Variants in MMP25 observed in about 807,000 individuals in gnomAD.
MMP25 encodes matrix metalloproteinase-25.
A neutral mutation model predicts 62.1 loss-of-function variants in MMP25; 68 were observed. The ratio of observed to expected loss-of-function variants is 1.10; its 90% CI spans 0.90 to 1.34. MMP25 has a LOEUF of 1.34. MMP25 is among the 40% of genes most tolerant of loss of function. The pLI, the probability that MMP25 is intolerant of heterozygous loss-of-function variation, is 0.00. For missense variants in MMP25, 942 were observed against 792.5 expected (o/e 1.19, Z -2.26); for synonymous variants, 407 against 345.6 (o/e 1.18, Z -1.97).
intron 9 of MMP25, 62 bp downstream of exon 9, chr16:3,058,731 T>TGG (rs1171403262): frequency 6.7e-7 from 1 of 1,489,204 alleles, no homozygotes; most frequent in African/African-American, 1.4e-5. Flanking sequence ...ATGTGGGGAA[T>TGG]GGGGACATGG....
At chr16:3,057,856 G>A (rs964647987) in intron 7 of MMP25, 44 of 588,314 alleles carry the variant, frequency 7.5e-5, no homozygotes, top group Admixed American at 1.9e-4. Context: ...ATGCCACCAC[G>A]CCTTGCTAGT....
intron 2 of MMP25, among the ~76,000 whole-genome samples, chr16:3,047,982 G>T (rs2151152009): frequency 1.3e-5 from 2 of 152,136 alleles, no homozygotes; most frequent in Middle Eastern, 3.4e-3. Flanking sequence ...TGGGATTACA[G>T]GCACGCACCA....
chr16:3,050,042 G>A lies in MMP25; in HGVS notation c.266G>A (p.Arg89His), dbSNP rs747779520. The stretch of plus-strand genomic sequence containing the variant: ...ACAGTGGCCACCATGCGTAAGCCCC[G>A]CTGCTCCCTGCCTGACGTGCTGGGG... ...PGTVATMRKP[R>H]CSLPDVLGVA... Residue 89 changes from arginine to histidine, a missense_variant, in exon 3 of 10, where the codon CGC becomes CAC. By Grantham distance (29) the Arg-to-His change is conservative (BLOSUM62 0). Coordinates refer to ENST00000336577, the MANE Select transcript of MMP25 (RefSeq NM_022468.5). 42 of 1,610,508 alleles carry A rather than the reference G, an allele frequency of 2.6e-5. No individual in the cohort carries two copies. Among genetic ancestry groups the A allele is most frequent in the Non-Finnish European group, 3.4e-5 (40 of 1,179,942 alleles).
At position 3,046,680 on chromosome 16, in the gene MMP25, G is replaced by T. The variant is rs1465617031; in HGVS notation, c.-238G>T. On this transcript the variant is annotated 5_prime_UTR_variant, in exon 1 of 10. Transcript: ENST00000336577. ...CTCCCGCGCCCTCTCAACCATCCTG[G>T]GATTCCCGGGCCCACCCGACCCAGC... The T allele has an allele frequency of 1.1e-5, 4 of 378,400 alleles. No individual in the cohort carries two copies. The East Asian group carries it at 1.2e-4, about 11-fold the overall frequency. The allele number at this position is 378,400 out of a possible 1,614,324, so 23.4% of individuals were successfully genotyped here. A position where few individuals can be genotyped will look rare whatever the true frequency, so the allele number is the denominator to read the frequency against.
chr16:3,056,927 G>A (rs1956019195), intron 4 of MMP25, 106 bp from the exon 5 acceptor site: 3 of 1,254,078 alleles, frequency 2.4e-6, no homozygotes, highest in Non-Finnish European at 3.3e-6. Flanking sequence ...CACCTCTGGA[G>A]GGTGTCCTGC....
intron 1 of MMP25, 122 bp from the exon 2 acceptor site, chr16:3,047,293 T>C (rs1427804206): frequency 4.2e-6 from 6 of 1,425,926 alleles, no homozygotes; most frequent in Non-Finnish European, 3.8e-6. Flanking sequence ...CAGGCAGGCA[T>C]CCGGGGCTGG....
At chr16:3,053,765 G>A (rs956877213) in intron 4 of MMP25, 1 of 152,034 alleles carries the variant, frequency 6.6e-6, no homozygotes, top group Non-Finnish European at 1.5e-5. Flanking sequence ...GAGTGAAGGA[G>A]GAAGTGGTCA....
At chr16:3,048,517 G>T (rs1157858191) in intron 2 of MMP25, among the ~76,000 whole-genome samples, 1 of 152,130 alleles carries the variant, frequency 6.6e-6, no homozygotes, top group Non-Finnish European at 1.5e-5. Flanking sequence ...GGCATTGAGG[G>T]GCTGGTCTGG....
rs200987353 is a variant in MMP25, at chr16:3,047,560, C to A, written c.232+13C>A. The A allele has an allele frequency of 6.2e-7, 1 of 1,610,220 alleles. No individual in the cohort carries two copies. Among genetic ancestry groups the A allele is most frequent in the East Asian group, 2.2e-5 (1 of 44,860 alleles). On this transcript the variant is annotated intron_variant, in intron 2 of 9. Transcript: ENST00000336577. ...ACCGGCCGCATGGGTAGGTGGCCCC[C>A]ACCCCTCCCCAGCCCTGCCTCTGCA...
At chr16:3,049,201 G>C (rs1204025492) in intron 2 of MMP25, among the ~76,000 whole-genome samples, 3 of 151,804 alleles carry the variant, frequency 2.0e-5, no homozygotes, top group African/African-American at 7.3e-5. Context: ...GAGTCCACAC[G>C]AGGGATGGTG....
At position 3,047,550 on chromosome 16, in the gene MMP25, A is replaced by T; in HGVS notation, c.232+3A>T. On this transcript the variant is annotated splice_donor_region_variant and intron_variant, in intron 2 of 9. Transcript: ENST00000336577. ...GCTGCCGGAGACCGGCCGCATGGGT[A>T]GGTGGCCCCCACCCCTCCCCAGCCC... 1 of 1,612,272 alleles carries T rather than the reference A, an allele frequency of 6.2e-7. No homozygotes were observed. The highest frequency in any genetic ancestry group is 2.2e-5 in the East Asian group (1 of 44,856).
rs747395216 is a variant in MMP25, at chr16:3,058,191, C to G, written c.1017C>G (p.Phe339Leu). Residue 339 changes from phenylalanine to leucine, a missense_variant, in exon 8 of 10, where the codon TTC becomes TTG. Coordinates refer to ENST00000336577, the MANE Select transcript of MMP25 (RefSeq NM_022468.5). ...GETFFFKGPWFWRLQPSGQLV... is the reference protein window; with the variant it reads ...GETFFFKGPWLWRLQPSGQLV... ...CTTTGTCCCCTGCAGGCCCCTGGTT[C>G]TGGCGCCTCCAGCCCTCCGGACAGC... The G allele has an allele frequency of 8.7e-6, 14 of 1,612,842 alleles. No individual in the cohort carries two copies. The African/African-American group carries it at 1.2e-4, about 14-fold the overall frequency.
rs1955823068 is a variant in MMP25, at chr16:3,046,625, G to GGCCGCCGCGGCACATCCAGACC, written c.-292_-271dup. The GGCCGCCGCGGCACATCCAGACC allele has an allele frequency of 4.7e-6, 1 of 211,074 alleles. No individual in the cohort carries two copies. Among genetic ancestry groups the GGCCGCCGCGGCACATCCAGACC allele is most frequent in the African/African-American group, 2.3e-5 (1 of 42,620 alleles). 13.1% of individuals were successfully genotyped at this position (211,074 alleles called of 1,614,324 possible). On this transcript the variant is annotated 5_prime_UTR_variant, in exon 1 of 10. Transcript: ENST00000336577. ...GGCGCAGCGCCCCGGGACCCCGAGA[G>GGCCGCCGCGGCACATCCAGACC]GCCGCCGCGGCACATCCAGACCTCC...
At position 3,059,086 on chromosome 16, in the gene MMP25, A is replaced by G; in HGVS notation, c.1677A>G (p.Val559=). ...LLLLPLLVGG[V]ASR is the part of the protein sequence containing the mutation. ...TCTTGCCCCTGCTGGTGGGGGGTGTAGCCTCCCGCTGATGGGGGGAGCCAT... is the reference window on the plus strand; with the variant it reads ...TCTTGCCCCTGCTGGTGGGGGGTGTGGCCTCCCGCTGATGGGGGGAGCCAT... Residue 559 remains valine, a synonymous_variant, in exon 10 of 10, where the codon GTA becomes GTG. Coordinates refer to ENST00000336577, the MANE Select transcript of MMP25 (RefSeq NM_022468.5). 5.8e-6 allele frequency: 9 copies of G among 1,544,064 alleles called. No homozygotes were observed. The highest frequency in any genetic ancestry group is 7.9e-6 in the Non-Finnish European group (9 of 1,142,692).
intron 4 of MMP25, chr16:3,054,187 C>T (rs1310082213): frequency 2.1e-5 from 3 of 142,776 alleles, no homozygotes; most frequent in Non-Finnish European, 3.0e-5. Context: ...GATGGATGGA[C>T]AGATGCATGC....
intron 4 of MMP25, chr16:3,053,088 G>A (rs534127682): frequency 6.6e-6 from 1 of 152,206 alleles, no homozygotes; most frequent in African/African-American, 2.4e-5. Flanking sequence ...TGAGTGACGG[G>A]GGAAGGGGGC....
intron 3 of MMP25, 52 bp from the exon 4 acceptor site, chr16:3,050,202 G>A: frequency 6.3e-7 from 1 of 1,576,470 alleles, no homozygotes; most frequent in Admixed American, 1.7e-5. Flanking sequence ...GGCTTTGAAT[G>A]GCTGCCTGCT....
rs1335500816 is a variant in MMP25 at position 3,058,237 on chromosome 16, C to T, written c.1063C>T (p.Arg355Trp). The change falls in exon 8 of 10, where the codon CGG (arginine) becomes TGG (tryptophan). Residue 355 changes from arginine to tryptophan, a missense_variant. Transcript: ENST00000336577. ...ACAGCTGGTGTCCCCGCGACCCGCA[C>T]GGCTGCACCGCTTCTGGGAGGGGCT... Reference protein sequence around the residue: ...SGQLVSPRPARLHRFWEGLPA... With the variant: ...SGQLVSPRPAWLHRFWEGLPA... The T allele has an allele frequency of 2.5e-6, 4 of 1,611,994 alleles. No homozygotes were observed. Among genetic ancestry groups the T allele is most frequent in the Non-Finnish European group, 2.5e-6 (3 of 1,179,332 alleles).
Position 3,047,432 on chromosome 16 carries a change from T to G in MMP25, c.117T>G (p.Tyr39Ter), listed in dbSNP as rs763977286. The G allele has an allele frequency of 1.2e-6, 2 of 1,613,560 alleles. No homozygotes were observed. The highest frequency in any genetic ancestry group is 1.7e-6 in the Non-Finnish European group (2 of 1,179,794). ...VSLGVDWLTR[Y>*]GYLPPPHPAQ... The stretch of plus-strand genomic sequence containing the variant: ...TGCCCTAGGACTGGCTGACTCGCTA[T>G]GGTTACCTGCCGCCACCCCACCCTG... The change falls in exon 2 of 10, where the codon TAT becomes TAG. Residue 39 changes from tyrosine to a stop codon, truncating the protein, a stop_gained. Coordinates refer to ENST00000336577, the MANE Select transcript of MMP25 (RefSeq NM_022468.5). LOFTEE classifies it high-confidence loss of function.
Sources: allele counts gnomAD v4.1 joint callset (sites outside exome capture counted in the v4.1 genomes callset), GRCh38; gene constraint gnomAD v4.1.1; transcripts MANE v1.5; gene names NCBI Gene and HGNC (gene_info 2026-07-23, HGNC 2026-07-21).